DERL2: variants seen among roughly 807,000 people sequenced by gnomAD.
DERL2 encodes derlin 2.
DERL2 carries 13 observed loss-of-function variants against 32.0 expected under a neutral mutation model. The observed-to-expected ratio is 0.41, with a 90% CI of 0.26 to 0.65. The LOEUF (loss-of-function observed/expected upper bound fraction) is 0.65. Ranked by LOEUF, DERL2 falls within the 30% of genes least tolerant of loss-of-function variation. The probability of loss-of-function intolerance (pLI) is 0.35; values close to 1 mark genes in which losing one functional copy is unlikely to be tolerated. For synonymous variants in DERL2, 111 were observed against 104.7 expected (o/e 1.06, Z -0.37); for missense variants, 208 against 296.3 (o/e 0.70, Z 2.19).
At chr17:5,486,179 G>GGC, upstream of DERL2, 2 of 1,540,442 alleles carry the variant, frequency 1.3e-6, no homozygotes, top group Non-Finnish European at 8.8e-7. Context: ...ACCGTCGCCT[G>GGC]CCCCACCCCC....
chr17:5,482,109 C>T (rs1905828496), intron 3 of DERL2, among the ~76,000 whole-genome samples: 1 of 152,144 alleles, frequency 6.6e-6, no homozygotes, highest in Non-Finnish European at 1.5e-5. Context: ...AGGTTGAGCA[C>T]CTCAGTCAAT....
rs112045247 is a variant in DERL2 at position 5,481,208 on chromosome 17, T to C, written c.327+88A>G. 1.2e-4 allele frequency: 114 copies of C among 964,286 alleles called. No homozygotes were observed. The African/African-American group carries it at 1.5e-3, about 13-fold the overall frequency. 59.7% of individuals were successfully genotyped at this position (964,286 alleles called of 1,614,324 possible). ...AAATGATAGTGCCCTGAAGCTAAGATCTAGAGAACTGTGGGAGACAGATGA... is the reference window on the plus strand; with the variant it reads ...AAATGATAGTGCCCTGAAGCTAAGACCTAGAGAACTGTGGGAGACAGATGA... On this transcript the variant is annotated intron_variant, in intron 4 of 6. Coordinates refer to ENST00000158771, the MANE Select transcript of DERL2 (RefSeq NM_016041.5). This position sits in a 1 kb window ranked among gnomAD's most constrained non-coding sequence, Gnocchi z 4.4.
intron 6 of DERL2, among the ~76,000 whole-genome samples, chr17:5,475,113 G>A (rs1905300670): frequency 6.6e-6 from 1 of 152,064 alleles, no homozygotes; most frequent in African/African-American, 2.4e-5. Flanking sequence ...TTTACATTAT[G>A]TCATTTTACA....
chr17:5,480,414 CCAA>C lies in DERL2; in HGVS notation c.493_495del (p.Leu165del). On this transcript the variant is annotated inframe_deletion, in exon 5 of 7. Transcript: ENST00000158771. Reference sequence around the variant, plus strand: ...AAAAGGTCCACAATGATTGAGTTCCCCAACAACAAGGAAAATCCCATGAGCACC... The same window carrying C: ...AAAAGGTCCACAATGATTGAGTTCCCCAACAAGGAAAATCCCATGAGCACC... 6.2e-7 allele frequency: 1 copy of C among 1,613,610 alleles called. No homozygotes were observed. Among genetic ancestry groups the C allele is most frequent in the Non-Finnish European group, 8.5e-7 (1 of 1,179,876 alleles).
chr17:5,483,616 A>C (rs902308643), intron 2 of DERL2, among the ~76,000 whole-genome samples: 3 of 152,202 alleles, frequency 2.0e-5, no homozygotes, highest in African/African-American at 7.2e-5. Context: ...CAGACAAGCA[A>C]GCTACCCCCA....
At chr17:5,483,666 A>G (rs1331431203) in intron 2 of DERL2, among the ~76,000 whole-genome samples, 2 of 152,206 alleles carry the variant, frequency 1.3e-5, no homozygotes, top group African/African-American at 4.8e-5. Flanking sequence ...GACTAGCTGA[A>G]TACTAGTTAT....
upstream of DERL2, chr17:5,486,288 G>C: frequency 1.5e-6 from 1 of 684,402 alleles, no homozygotes; most frequent in East Asian, 3.4e-5. Context: ...CCCAATCAAC[G>C]CCAAGCAACC....
intron 2 of DERL2, among the ~76,000 whole-genome samples, chr17:5,483,573 C>T (rs1478580975): frequency 2.6e-5 from 4 of 152,152 alleles, no homozygotes; most frequent in African/African-American, 7.2e-5. Flanking sequence ...GAGTGCTTAA[C>T]GTTTTAAAAT....
chr17:5,482,252 T>C (rs931647606), intron 3 of DERL2: 4 of 153,216 alleles, frequency 2.6e-5, no homozygotes, highest in African/African-American at 9.7e-5. Flanking sequence ...TAACTCCCTC[T>C]TAATACAGAG....
intron 4 of DERL2, 110 bp from the exon 5 acceptor site, chr17:5,480,692 T>G: frequency 1.0e-6 from 1 of 971,324 alleles, no homozygotes; most frequent in Non-Finnish European, 1.4e-6. Context: ...AAAAGTCAAG[T>G]TGTTACATCT....
intron 1 of DERL2, among the ~76,000 whole-genome samples, chr17:5,485,461 G>T (rs1228305275): frequency 6.6e-6 from 1 of 152,192 alleles, no homozygotes; most frequent in Admixed American, 6.5e-5. Flanking sequence ...AGGCTGACAT[G>T]AAGAAATGAG....
chr17:5,481,335 G>C lies in DERL2; in HGVS notation c.288C>G (p.Asp96Glu), dbSNP rs2151706168. The C allele has an allele frequency of 6.2e-7, 1 of 1,614,082 alleles. No homozygotes were observed. The highest frequency in any genetic ancestry group is 8.5e-7 in the Non-Finnish European group (1 of 1,179,930). The change falls in exon 4 of 7, where the codon GAC becomes GAG. Residue 96 changes from aspartate (D) to glutamate (E), a missense_variant. Asp to Glu is a conservative substitution (Grantham distance 45). Around this residue, in one of 3 missense-constraint regions of DERL2, gnomAD observed 124 missense variants for 215.3 expected, o/e 0.58. Transcript: ENST00000158771. This position sits in a 1 kb window ranked among gnomAD's most constrained non-coding sequence, Gnocchi z 4.4. The part of the protein sequence containing the change: ...EEGSFRGRTA[D>E]FVFMFLFGGF... ...CACCAAAAAGGAACATAAATACAAA[G>C]TCTGCTGTCCGACCTCGGAAAGAGC...
chr17:5,481,889 C>T lies in DERL2; in HGVS notation c.234-500G>A, dbSNP rs1362716068. Among the ~76,000 whole-genome samples, 1 of 152,158 alleles carries T rather than the reference C, an allele frequency of 6.6e-6. No individual in the cohort carries two copies. Among genetic ancestry groups the T allele is most frequent in the South Asian group, 2.1e-4 (1 of 4,834 alleles). The stretch of plus-strand genomic sequence containing the variant: ...GGTCTCAAACTCCTGACCTCGTGAT[C>T]CACTGCCTTGGCCTCCCCAAGTGCT... On this transcript the variant is annotated intron_variant, in intron 3 of 6. Coordinates refer to ENST00000158771, the MANE Select transcript of DERL2 (RefSeq NM_016041.5). The surrounding 1 kb of genome is among the most constrained non-coding windows in gnomAD (Gnocchi z 4.4).
chr17:5,476,070 T>C (rs1905362716), intron 6 of DERL2, among the ~76,000 whole-genome samples: 1 of 152,164 alleles, frequency 6.6e-6, no homozygotes, highest in South Asian at 2.1e-4. Context: ...TTAGGTATTA[T>C]TTTACCACAA....
Position 5,482,735 on chromosome 17 carries a change from G to A in DERL2, c.233+74C>T, listed in dbSNP as rs977324157. ...AGATGGTACCAAAAACAAGTAACAG[G>A]ATGAAAAGTTTCAACTTAATTTTTT... On this transcript the variant is annotated intron_variant, in intron 3 of 6. Coordinates refer to ENST00000158771, the MANE Select transcript of DERL2 (RefSeq NM_016041.5). The A allele has an allele frequency of 7.2e-6, 6 of 837,416 alleles. No individual in the cohort carries two copies. The African/African-American group carries it at 1.0e-4, about 14-fold the overall frequency. 51.9% of individuals were successfully genotyped at this position (837,416 alleles called of 1,614,324 possible).
chr17:5,474,772 G>A lies in DERL2; in HGVS notation c.632C>T (p.Thr211Ile), dbSNP rs777282443. 8 of 1,613,236 alleles carry A rather than the reference G, an allele frequency of 5.0e-6. No homozygotes were observed. Among genetic ancestry groups the A allele is most frequent in the African/African-American group, 2.7e-5 (2 of 74,816 alleles). Residue 211 changes from threonine to isoleucine, a missense_variant, in exon 7 of 7, where the codon ACA becomes ATA. Physicochemically the swap from Thr to Ile is moderately conservative, Grantham distance 89. Transcript: ENST00000158771. This position sits in a 1 kb window ranked among gnomAD's most constrained non-coding sequence, Gnocchi z 4.3. Reference sequence around the variant, plus strand: ...ATTGTAATTTGGATCCTCATCTGGTGTATCAAAAATAGCTTTCCTAAAAGA... The same window carrying A: ...ATTGTAATTTGGATCCTCATCTGGTATATCAAAAATAGCTTTCCTAAAAGA... ...TPSILKAIFD[T>I]PDEDPNYNPL...
chr17:5,482,368 C>G (rs1214216883), intron 3 of DERL2: 2 of 175,800 alleles, frequency 1.1e-5, no homozygotes, highest in African/African-American at 4.8e-5. Context: ...CCAGCAGACA[C>G]AACCACTGTC....
rs750941374 is a variant in DERL2, at chr17:5,481,753, G to A, written c.234-364C>T. 6.6e-6 allele frequency among the ~76,000 whole-genome samples: 1 copy of A among 151,834 alleles called. No homozygotes were observed. Among genetic ancestry groups the A allele is most frequent in the African/African-American group, 2.4e-5 (1 of 41,282 alleles). On this transcript the variant is annotated intron_variant, in intron 3 of 6. Coordinates refer to ENST00000158771, the MANE Select transcript of DERL2 (RefSeq NM_016041.5). The surrounding 1 kb of genome is among the most constrained non-coding windows in gnomAD (Gnocchi z 4.4). ...CAAGCTCCGCCTCTCAGATTCAAGC[G>A]ATTCTCCTGCCTCATTCTCCTGAGT... is the stretch of plus-strand genomic sequence containing the variant.
rs988245118 is a variant in DERL2 at position 5,474,731 on chromosome 17, G to T, written c.673C>A (p.Arg225=). 1 of 1,613,734 alleles carries T rather than the reference G, an allele frequency of 6.2e-7. No homozygotes were observed. The highest frequency in any genetic ancestry group is 8.5e-7 in the Non-Finnish European group (1 of 1,179,874). Residue 225 remains arginine (R), a synonymous_variant, in exon 7 of 7, where the codon CGG becomes AGG. Coordinates refer to ENST00000158771, the MANE Select transcript of DERL2 (RefSeq NM_016041.5). The surrounding 1 kb of genome is among the most constrained non-coding windows in gnomAD (Gnocchi z 4.3). The part of the protein sequence containing the change: ...DPNYNPLPEE[R]PGGFAWGEGQ... ...TCACCCCAGGCGAAGCCTCCTGGCC[G>T]TTCCTCAGGTAGTGGATTGTAATTT...
Sources: gnomAD v4.1 joint callset for allele counts (sites outside exome capture counted in the v4.1 genomes callset) on GRCh38, gnomAD v4.1.1 for gene constraint, gnomAD v4.1.1 regional missense constraint, Gnocchi (gnomAD v3.1) non-coding constraint, MANE v1.5 for transcripts, NCBI Gene and HGNC (gene_info 2026-07-23, HGNC 2026-07-21) for gene names.